The following SNTG2 variants were observed in gnomAD, a reference collection of about 807,000 sequenced individuals.
SNTG2 encodes the protein gamma-2-syntrophin.
SNTG2 carries 74 observed loss-of-function variants against 70.9 expected under a neutral mutation model. The observed-to-expected ratio is 1.04, with a 90% CI of 0.86 to 1.27. The LOEUF (loss-of-function observed/expected upper bound fraction) is 1.27, where lower values mean the gene tolerates loss of function less well. SNTG2 is among the 50% of genes most tolerant of loss of function. The pLI, the probability that SNTG2 is intolerant of heterozygous loss-of-function variation, is 0.00. For synonymous variants in SNTG2, 278 were observed against 273.8 expected (o/e 1.02, Z -0.15); for missense variants, 717 against 690.7 (o/e 1.04, Z -0.43).
intron 14 of SNTG2, among the ~76,000 whole-genome samples, chr2:1,298,812 C>T (rs892542962): frequency 2.6e-5 from 4 of 152,150 alleles, no homozygotes; most frequent in African/African-American, 7.2e-5. Context: ...CAAACCCACC[C>T]TTAATTGGGT....
chr2:1,117,590 A>C (rs547789321), intron 4 of SNTG2, among the ~76,000 whole-genome samples: 1 of 152,122 alleles, frequency 6.6e-6, no homozygotes, highest in African/African-American at 2.4e-5. Flanking sequence ...GAGGTAGCTC[A>C]GTTCCCCAGG....
At chr2:1,066,289 G>A (rs1663145759) in intron 1 of SNTG2, among the ~76,000 whole-genome samples, 1 of 152,180 alleles carries the variant, frequency 6.6e-6, no homozygotes. Flanking sequence ...GAGATCAGGT[G>A]AATATGACAA....
chr2:1,192,745 C>G (rs1037138157), intron 8 of SNTG2, among the ~76,000 whole-genome samples: 11 of 152,134 alleles, frequency 7.2e-5, no homozygotes, highest in Non-Finnish European at 1.5e-4. Flanking sequence ...CACCGTCCCT[C>G]CTACACCCTC....
chr2:1,288,597 A>G (rs1018335181), intron 14 of SNTG2, among the ~76,000 whole-genome samples: 1 of 152,302 alleles, frequency 6.6e-6, no homozygotes, highest in African/African-American at 2.4e-5. Context: ...ATATACATGA[A>G]CACACATACA....
intron 1 of SNTG2, among the ~76,000 whole-genome samples, chr2:1,019,238 T>C (rs748400056): frequency 1.3e-5 from 2 of 152,210 alleles, no homozygotes; most frequent in Non-Finnish European, 2.9e-5. Flanking sequence ...AGGCCAGATA[T>C]CATGTCTGTG....
intron 1 of SNTG2, among the ~76,000 whole-genome samples, chr2:1,049,567 C>A (rs1661937179): frequency 6.6e-6 from 1 of 152,134 alleles, no homozygotes; most frequent in African/African-American, 2.4e-5. Context: ...TTGGTTGATT[C>A]CAAGTTTTTG....
chr2:1,242,434 G>T (rs543766088), intron 11 of SNTG2, among the ~76,000 whole-genome samples: 2 of 152,212 alleles, frequency 1.3e-5, no homozygotes, highest in African/African-American at 2.4e-5. Flanking sequence ...ACTACAAAAA[G>T]CATAATGTAT....
intron 14 of SNTG2, among the ~76,000 whole-genome samples, chr2:1,295,149 C>G (rs573405413): frequency 6.6e-6 from 1 of 152,252 alleles, no homozygotes; most frequent in South Asian, 2.1e-4. Flanking sequence ...CAGGGACTCT[C>G]GTGTGGCCAT....
At chr2:1,193,954 A>G (rs1301076912) in intron 8 of SNTG2, among the ~76,000 whole-genome samples, 2 of 152,228 alleles carry the variant, frequency 1.3e-5, no homozygotes, top group Non-Finnish European at 2.9e-5. Flanking sequence ...GTGTGGGCAC[A>G]CTTAGCTCTG....
intron 4 of SNTG2, 105 bp from the exon 5 acceptor site, chr2:1,137,517 C>T (rs1156341752): frequency 1.7e-6 from 2 of 1,179,652 alleles, no homozygotes; most frequent in Admixed American, 2.3e-5. Flanking sequence ...CACACACACA[C>T]GTGGCCACTT....
chr2:1,299,799 G>A (rs1477758275), intron 14 of SNTG2, among the ~76,000 whole-genome samples: 2 of 152,186 alleles, frequency 1.3e-5, no homozygotes, highest in East Asian at 1.9e-4. Context: ...CTGTGTGCCT[G>A]CCCAAACCCC....
chr2:1,196,878 G>A (rs949727573), intron 8 of SNTG2, among the ~76,000 whole-genome samples: 2 of 152,050 alleles, frequency 1.3e-5, no homozygotes, highest in Non-Finnish European at 2.9e-5. Context: ...AAATGATTAA[G>A]GGAGCCCTAC....
chr2:1,001,201 C>T (rs75910828), intron 1 of SNTG2, among the ~76,000 whole-genome samples: 21,480 of 151,878 alleles, frequency 0.14, 1,608 homozygotes, highest in Middle Eastern at 0.21. Context: ...CTCCTAAGAG[C>T]TGGAACAAGA....
At chr2:1,349,651 TG>T (rs1350496037) in intron 16 of SNTG2, among the ~76,000 whole-genome samples, 10 of 152,250 alleles carry the variant, frequency 6.6e-5, no homozygotes, top group Non-Finnish European at 1.5e-5. Context: ...GGGTCACTTA[TG>T]CTACTTTTCT....
rs535044220 is a variant in SNTG2 at position 1,177,422 on chromosome 2, C to G, written c.591+4239C>G. Among the ~76,000 whole-genome samples the G allele has an allele frequency of 5.3e-5, 8 of 151,794 alleles. No homozygotes were observed. The East Asian group carries it at 1.6e-3, about 29-fold the overall frequency. The stretch of plus-strand genomic sequence containing the variant: ...TGGGTTGATAGGTGCAGCAAACCAC[C>G]ATGGCACACGTTTACCAATGTAACA... On this transcript the variant is annotated intron_variant, in intron 8 of 16. Coordinates refer to ENST00000308624, the MANE Select transcript of SNTG2 (RefSeq NM_018968.4).
chr2:1,255,188 C>T (rs771172265), intron 12 of SNTG2, among the ~76,000 whole-genome samples: 6 of 152,162 alleles, frequency 3.9e-5, no homozygotes, highest in East Asian at 1.9e-4. Context: ...GTCAGGAATT[C>T]GTTTGTCCAA....
At chr2:1,298,991 C>T (rs1680334816) in intron 14 of SNTG2, among the ~76,000 whole-genome samples, 1 of 152,188 alleles carries the variant, frequency 6.6e-6, no homozygotes. Flanking sequence ...GCTCTCCTTG[C>T]TCCTCAAGCT....
rs780181838 is a variant in SNTG2 at position 1,259,407 on chromosome 2, A to T, written c.1043A>T (p.Tyr348Phe). 2 of 1,614,034 alleles carry T rather than the reference A, an allele frequency of 1.2e-6. No homozygotes were observed. The highest frequency in any genetic ancestry group is 2.2e-5 in the East Asian group (1 of 44,880). The part of the protein sequence containing the change: ...TFDWVRAERT[Y>F]HLCEVLFKVH... ...GATTGGGTGCGAGCAGAAAGGACCT[A>T]TCACCTCTGTGAGGTGCTATTTAAA... is the stretch of plus-strand genomic sequence containing the variant. The change falls in exon 13 of 17, where the codon TAT becomes TTT. Residue 348 changes from tyrosine to phenylalanine, a missense_variant. Tyr to Phe is a conservative substitution (Grantham distance 22, BLOSUM62 3). Transcript: ENST00000308624.
intron 1 of SNTG2, among the ~76,000 whole-genome samples, chr2:983,100 C>T (rs1463449395): frequency 6.7e-6 from 1 of 150,226 alleles, no homozygotes; most frequent in Non-Finnish European, 1.5e-5. Context: ...GAAGCAGAGG[C>T]TCTCTTCTGT....
Sources: allele counts gnomAD v4.1 joint callset (sites outside exome capture counted in the v4.1 genomes callset), GRCh38; gene constraint gnomAD v4.1.1; transcripts MANE v1.5; gene names NCBI Gene and HGNC (gene_info 2026-07-23, HGNC 2026-07-21).